The following FZR1 variants were observed in gnomAD, a reference collection of about 807,000 sequenced individuals.
FZR1 encodes the protein fizzy-related protein homolog.
A neutral mutation model predicts 63.6 loss-of-function variants in FZR1; 11 were observed. That is an observed-to-expected ratio of 0.17 (90% CI 0.11 to 0.29). The LOEUF (loss-of-function observed/expected upper bound fraction) is 0.29. Ranked by LOEUF, FZR1 falls within the 10% of genes least tolerant of loss-of-function variation. The probability of loss-of-function intolerance (pLI) is 1.00; values close to 1 mark genes in which losing one functional copy is unlikely to be tolerated. For missense variants in FZR1, 440 were observed against 687.5 expected (o/e 0.64, Z 4.03); for synonymous variants, 328 against 297.9 (o/e 1.10, Z -1.04).
rs951867644 is a variant in FZR1 at position 3,525,003 on chromosome 19, A to G, written c.70-865A>G. ...TTTTAGGGACACCGGTCAGCTGATA[A>G]CAGACCCCTCATAGAAAAAAGACGG... On this transcript the variant is annotated intron_variant, in intron 2 of 13. Coordinates refer to ENST00000441788, the MANE Select transcript of FZR1 (RefSeq NM_016263.4). The surrounding 1 kb of genome is among the most constrained non-coding windows in gnomAD (Gnocchi z 4.2). Among the ~76,000 whole-genome samples, 4 of 152,108 alleles carry G rather than the reference A, an allele frequency of 2.6e-5. No homozygotes were observed. The highest frequency in any genetic ancestry group is 6.5e-5 in the Admixed American group (1 of 15,270).
chr19:3,517,378 A>C (rs2083065792), intron 1 of FZR1, among the ~76,000 whole-genome samples: 1 of 146,970 alleles, frequency 6.8e-6, no homozygotes, highest in Non-Finnish European at 1.5e-5. Context: ...TGACAGAGTG[A>C]GACCCGGTCT....
intron 1 of FZR1, among the ~76,000 whole-genome samples, chr19:3,508,200 C>CT (rs71166908): frequency 0.27 from 24,216 of 91,066 alleles, 4,894 homozygotes; most frequent in East Asian, 0.81. Context: ...CATTGATTTT[C>CT]TTTTTTTTTT....
In FZR1 at chr19:3,532,491, C is replaced by T. The variant is rs779528652; in HGVS notation, c.1083C>T (p.Ile361=). ...YTEHLAAVKA[I]AWSPHQHGLL... ...AGCACCTGGCGGCCGTGAAGGCCATCGCCTGGTCCCCACATCAGCACGGGC... is the reference window on the plus strand; with the variant it reads ...AGCACCTGGCGGCCGTGAAGGCCATTGCCTGGTCCCCACATCAGCACGGGC... Residue 361 remains isoleucine, a synonymous_variant, in exon 11 of 14, where the codon ATC becomes ATT. Coordinates refer to ENST00000441788, the MANE Select transcript of FZR1 (RefSeq NM_016263.4). 9 of 1,606,884 alleles carry T rather than the reference C, an allele frequency of 5.6e-6. No individual in the cohort carries two copies. The highest frequency in any genetic ancestry group is 2.2e-5 in the East Asian group (1 of 44,658).
intron 2 of FZR1, among the ~76,000 whole-genome samples, chr19:3,523,807 C>T (rs1166165290): frequency 6.6e-6 from 1 of 152,252 alleles, no homozygotes; most frequent in Non-Finnish European, 1.5e-5. Context: ...GCAGCTCCCT[C>T]AGTGCCAGCA....
chr19:3,514,869 G>A lies in FZR1; in HGVS notation c.-34-8087G>A, dbSNP rs1249708940. Among the ~76,000 whole-genome samples the A allele has an allele frequency of 1.3e-5, 2 of 152,236 alleles. No homozygotes were observed. Among genetic ancestry groups the A allele is most frequent in the Admixed American group, 6.5e-5 (1 of 15,288 alleles). ...TGCCCATTTCCCAGGGGAACAGGAAGAAGCTCGAGACTGAAGGCTTGCCCG... is the reference window on the plus strand; with the variant it reads ...TGCCCATTTCCCAGGGGAACAGGAAAAAGCTCGAGACTGAAGGCTTGCCCG... On this transcript the variant is annotated intron_variant, in intron 1 of 13. Transcript: ENST00000441788. This position sits in a 1 kb window ranked among gnomAD's most constrained non-coding sequence, Gnocchi z 4.2.
Position 3,531,792 on chromosome 19 carries a change from T to C in FZR1, c.799T>C (p.Leu267=). ...DAAAGKKLSM[L]EGHTARVGAL... ...AGCCGCAGGGAAGAAGCTGTCCATGTTGGAGGGCCACACGGCACGCGTCGG... is the reference window on the plus strand; with the variant it reads ...AGCCGCAGGGAAGAAGCTGTCCATGCTGGAGGGCCACACGGCACGCGTCGG... Residue 267 remains leucine, a synonymous_variant, in exon 9 of 14, where the codon TTG becomes CTG. Coordinates refer to ENST00000441788, the MANE Select transcript of FZR1 (RefSeq NM_016263.4). 6.4e-7 allele frequency: 1 copy of C among 1,550,458 alleles called. No homozygotes were observed. Among genetic ancestry groups the C allele is most frequent in the Non-Finnish European group, 8.7e-7 (1 of 1,146,796 alleles).
chr19:3,527,882 C>CA lies in FZR1; in HGVS notation c.654+69dup. 3 of 1,267,358 alleles carry CA rather than the reference C, an allele frequency of 2.4e-6. No homozygotes were observed. In the South Asian group the frequency reaches 4.0e-5, roughly 17 times the overall value. 78.5% of individuals were successfully genotyped at this position (1,267,358 alleles called of 1,614,324 possible). ...AGCTCCCAGCAGACCTCAATGTACC[C>CA]ACCGGGATCCAGGGAGCATCAGTAC... On this transcript the variant is annotated intron_variant, in intron 7 of 13. Coordinates refer to ENST00000441788, the MANE Select transcript of FZR1 (RefSeq NM_016263.4).
chr19:3,512,947 C>T (rs1255034076), intron 1 of FZR1, among the ~76,000 whole-genome samples: 9 of 152,100 alleles, frequency 5.9e-5, no homozygotes, highest in Non-Finnish European at 1.2e-4. Context: ...GGGTGACCCC[C>T]CATTTTTTTG....
rs1357811340 is a variant in FZR1 at position 3,533,554 on chromosome 19, T to C, written c.1347+156T>C. On this transcript the variant is annotated intron_variant, in intron 12 of 13. Transcript: ENST00000441788. This position sits in a 1 kb window ranked among gnomAD's most constrained non-coding sequence, Gnocchi z 4.9. ...CAGGGGCCGGCAGGGCATCTGGTGC[T>C]GGTTGTGTTGCCAGCGTTGGAATGG... The C allele has an allele frequency of 1.7e-6, 1 of 604,382 alleles. No homozygotes were observed. The highest frequency in any genetic ancestry group is 3.0e-6 in the Non-Finnish European group (1 of 334,760). The allele number at this position is 604,382 out of a possible 1,614,324, so 37.4% of individuals were successfully genotyped here.
chr19:3,535,874 C>T lies in FZR1; in HGVS notation c.*1038C>T, dbSNP rs1360404632. ...CCCAAGGGGTCCAGGAGGTGGGCGC[C>T]CTCCATCCTTCGAGAAGCTTCCCAG... On this transcript the variant is annotated 3_prime_UTR_variant, in exon 14 of 14. Coordinates refer to ENST00000441788, the MANE Select transcript of FZR1 (RefSeq NM_016263.4). 1 of 152,320 alleles carries T rather than the reference C, an allele frequency of 6.6e-6. No homozygotes were observed. The highest frequency in any genetic ancestry group is 1.9e-4 in the East Asian group (1 of 5,192). The allele number at this position is 152,320 out of a possible 1,614,324, so 9.4% of individuals were successfully genotyped here.
intron 1 of FZR1, among the ~76,000 whole-genome samples, chr19:3,518,046 ACT>A (rs1199874356): frequency 7.8e-6 from 1 of 127,938 alleles, no homozygotes; most frequent in Non-Finnish European, 1.6e-5. Flanking sequence ...ACAGAGTCTC[ACT>A]GTGTCACCCA....
At position 3,526,285 on chromosome 19, in the gene FZR1, A is replaced by G. The variant is rs2083156825; in HGVS notation, c.286A>G (p.Lys96Glu). Residue 96 changes from lysine (K) to glutamate (E), a missense_variant, in exon 5 of 14, where the codon AAG becomes GAG. Lys to Glu is a moderately conservative substitution (Grantham distance 56). Coordinates refer to ENST00000441788, the MANE Select transcript of FZR1 (RefSeq NM_016263.4). This position sits in a 1 kb window ranked among gnomAD's most constrained non-coding sequence, Gnocchi z 5.4. ...KDGLAYSALLKNELLGAGIEK... is the reference protein window; with the variant it reads ...KDGLAYSALLENELLGAGIEK... ...CGGCCTGGCCTACTCTGCCCTGCTCAAGAATGAGCTGCTGGGTGCCGGCAT... is the reference window on the plus strand; with the variant it reads ...CGGCCTGGCCTACTCTGCCCTGCTCGAGAATGAGCTGCTGGGTGCCGGCAT... 4 of 1,610,278 alleles carry G rather than the reference A, an allele frequency of 2.5e-6. No individual in the cohort carries two copies. The highest frequency in any genetic ancestry group is 1.7e-5 in the Admixed American group (1 of 59,706).
At chr19:3,507,992 G>T (rs1043369726) in intron 1 of FZR1, among the ~76,000 whole-genome samples, 1 of 152,126 alleles carries the variant, frequency 6.6e-6, no homozygotes, top group South Asian at 2.1e-4. Flanking sequence ...AGGCAAGCCC[G>T]GTGCTTTACT....
At position 3,529,222 on chromosome 19, in the gene FZR1, G is replaced by A. The variant is rs545199695; in HGVS notation, c.654+1408G>A. On this transcript the variant is annotated intron_variant, in intron 7 of 13. Transcript: ENST00000441788. ...AGCGGATGAGAGAGTGGATGGTTGAGCGGATGGGAGAGCGGATGAGAGTGG... is the reference window on the plus strand; with the variant it reads ...AGCGGATGAGAGAGTGGATGGTTGAACGGATGGGAGAGCGGATGAGAGTGG... 6.0e-5 allele frequency among the ~76,000 whole-genome samples: 9 copies of A among 149,764 alleles called. No individual in the cohort carries two copies. In the East Asian group the frequency reaches 1.6e-3, roughly 27 times the overall value.
intron 10 of FZR1, 74 bp from the exon 11 acceptor site, chr19:3,532,343 G>A (rs972937929): frequency 1.6e-5 from 20 of 1,218,812 alleles, no homozygotes; most frequent in Middle Eastern, 2.5e-4. Context: ...AGGGCAGGTC[G>A]TCACACCTGT....
rs767158979 is a variant in FZR1, at chr19:3,532,461, C to T, written c.1053C>T (p.Tyr351=). ...NHSSLSPVQQ[Y]TEHLAAVKAI... ...CGAGCCTGAGCCCCGTGCAGCAGTACACGGAGCACCTGGCGGCCGTGAAGG... is the reference window on the plus strand; with the variant it reads ...CGAGCCTGAGCCCCGTGCAGCAGTATACGGAGCACCTGGCGGCCGTGAAGG... Residue 351 remains tyrosine (Y), a synonymous_variant, in exon 11 of 14, where the codon TAC becomes TAT. Coordinates refer to ENST00000441788, the MANE Select transcript of FZR1 (RefSeq NM_016263.4). 6.2e-7 allele frequency: 1 copy of T among 1,602,710 alleles called. No individual in the cohort carries two copies. Among genetic ancestry groups the T allele is most frequent in the South Asian group, 1.1e-5 (1 of 90,530 alleles).
At chr19:3,507,054 T>G (rs1057247330) in intron 1 of FZR1, among the ~76,000 whole-genome samples, 28 of 152,176 alleles carry the variant, frequency 1.8e-4, no homozygotes, top group African/African-American at 6.3e-4. Context: ...AACCTGTGTC[T>G]GTGGTCACTG....
chr19:3,518,510 G>A (rs917872037), intron 1 of FZR1, among the ~76,000 whole-genome samples: 3 of 152,104 alleles, frequency 2.0e-5, no homozygotes, highest in Non-Finnish European at 4.4e-5. Context: ...AGTCAGATCT[G>A]GAGCAGGGGC....
rs548001460 is a variant in FZR1, at chr19:3,517,468, C to A, written c.-34-5488C>A. Reference sequence around the variant, plus strand: ...TTGGGAAGCTGAGGCGTGTGGATCACCTGAGGTCAGGAGTTCAAGACTAGC... The same window carrying A: ...TTGGGAAGCTGAGGCGTGTGGATCAACTGAGGTCAGGAGTTCAAGACTAGC... On this transcript the variant is annotated intron_variant, in intron 1 of 13. Transcript: ENST00000441788. 4.6e-5 allele frequency among the ~76,000 whole-genome samples: 7 copies of A among 152,186 alleles called. 1 individual carries two copies. Among genetic ancestry groups the A allele is most frequent in the Admixed American group, 4.6e-4 (7 of 15,284 alleles).
Sources: gnomAD v4.1 joint callset for allele counts (sites outside exome capture counted in the v4.1 genomes callset) on GRCh38, gnomAD v4.1.1 for gene constraint, Gnocchi (gnomAD v3.1) non-coding constraint, MANE v1.5 for transcripts, NCBI Gene and HGNC (gene_info 2026-07-23, HGNC 2026-07-21) for gene names.